The following AGBL4 variants were observed in gnomAD, a reference collection of about 807,000 sequenced individuals.
AGBL4 encodes the protein cytosolic carboxypeptidase 6.
A neutral mutation model predicts 66.4 loss-of-function variants in AGBL4; 58 were observed. That is an observed-to-expected ratio of 0.87 (90% confidence interval 0.71 to 1.09). AGBL4 has a LOEUF of 1.09. AGBL4 is among the 50% of genes least tolerant of loss of function. AGBL4 has a pLI of 0.00. For missense variants in AGBL4, 579 were observed against 631.0 expected (o/e 0.92, Z 0.88); for synonymous variants, 234 against 222.9 (o/e 1.05, Z -0.44).
At chr1:50,007,257 T>C (rs1046244612) in intron 1 of AGBL4, among the ~76,000 whole-genome samples, 2 of 152,036 alleles carry the variant, frequency 1.3e-5, no homozygotes, top group Non-Finnish European at 2.9e-5. Context: ...AATTAAAATA[T>C]ACCTCACCAC....
chr1:49,294,727 C>G (rs1422830728), intron 3 of AGBL4, among the ~76,000 whole-genome samples: 2 of 152,182 alleles, frequency 1.3e-5, no homozygotes. Context: ...GCTTTTCCTC[C>G]TCTGCCAGCC....
At chr1:49,175,306 G>A (rs1646811457) in intron 4 of AGBL4, among the ~76,000 whole-genome samples, 1 of 151,882 alleles carries the variant, frequency 6.6e-6, no homozygotes, top group African/African-American at 2.4e-5. Flanking sequence ...ACTTTCTAAT[G>A]GTATTGAAGA....
chr1:49,489,505 GTTTC>G (rs1647143655), intron 3 of AGBL4, among the ~76,000 whole-genome samples: 2 of 151,548 alleles, frequency 1.3e-5, no homozygotes, highest in African/African-American at 4.8e-5. Flanking sequence ...TTTCTTGATT[GTTTC>G]TTTTGCTGTG....
chr1:49,479,703 C>CTTTTTTTTTT (rs1351125149), intron 3 of AGBL4, among the ~76,000 whole-genome samples: 1 of 136,890 alleles, frequency 7.3e-6, no homozygotes. Context: ...TTCTTTTTTT[C>CTTTTTTTTTT]TTTTTTTTTT....
chr1:49,937,466 A>G (rs1217288350), intron 1 of AGBL4, among the ~76,000 whole-genome samples: 10 of 152,100 alleles, frequency 6.6e-5, no homozygotes, highest in Non-Finnish European at 1.0e-4. Context: ...CCAGGAATTG[A>G]ACTCAGCTCT....
chr1:49,119,647 T>C (rs970476545), intron 4 of AGBL4, among the ~76,000 whole-genome samples: 1 of 152,200 alleles, frequency 6.6e-6, no homozygotes, highest in Non-Finnish European at 1.5e-5. Context: ...ATAAGTGTTA[T>C]GTGGTGCTGA....
At chr1:49,806,821 C>T (rs1250767448) in intron 2 of AGBL4, among the ~76,000 whole-genome samples, 1 of 152,142 alleles carries the variant, frequency 6.6e-6, no homozygotes, top group East Asian at 1.9e-4. Context: ...TGGCCAGTAC[C>T]ACCCCAAAGC....
intron 6 of AGBL4, chr1:48,758,866 A>G (rs1434767842): frequency 6.8e-7 from 1 of 1,465,456 alleles, no homozygotes. Flanking sequence ...ATTTCACCCA[A>G]GTGGAGTGGT....
intron 6 of AGBL4, among the ~76,000 whole-genome samples, chr1:48,708,992 G>A (rs1646921460): frequency 6.6e-6 from 1 of 152,212 alleles, no homozygotes; most frequent in South Asian, 2.1e-4. Context: ...CAAAGACACA[G>A]GCCTGGCTGG....
At chr1:49,198,484 G>A (rs1451616295) in intron 4 of AGBL4, among the ~76,000 whole-genome samples, 4 of 152,036 alleles carry the variant, frequency 2.6e-5, no homozygotes, top group African/African-American at 9.7e-5. Flanking sequence ...GGGGTTACAG[G>A]TGCACACCAC....
chr1:49,680,310 A>G (rs1171834694), intron 3 of AGBL4, among the ~76,000 whole-genome samples: 1 of 150,420 alleles, frequency 6.6e-6, no homozygotes, highest in Non-Finnish European at 1.5e-5. Context: ...CTGCCTCCCA[A>G]GGTGCTGGGA....
chr1:48,572,615 G>T (rs1351099073), intron 11 of AGBL4, among the ~76,000 whole-genome samples: 1 of 152,022 alleles, frequency 6.6e-6, no homozygotes, highest in Non-Finnish European at 1.5e-5. Flanking sequence ...ACAAAACGGG[G>T]AATGAAAGAG....
At chr1:49,093,551 C>T (rs540525436) in intron 4 of AGBL4, among the ~76,000 whole-genome samples, 1 of 152,192 alleles carries the variant, frequency 6.6e-6, no homozygotes, top group African/African-American at 2.4e-5. Flanking sequence ...GTAAGCAGTA[C>T]TATAAATAAA....
intron 5 of AGBL4, among the ~76,000 whole-genome samples, chr1:48,934,389 G>T (rs1655282671): frequency 6.6e-6 from 1 of 152,136 alleles, no homozygotes; most frequent in Non-Finnish European, 1.5e-5. Flanking sequence ...GTCCCACTGT[G>T]ATTATTAATG....
At position 48,533,551 on chromosome 1, in the gene AGBL4, G is replaced by A. The variant is rs1643924042; in HGVS notation, c.*622C>T. 1 of 152,676 alleles carries A rather than the reference G, an allele frequency of 6.5e-6. No individual in the cohort carries two copies. The highest frequency in any genetic ancestry group is 1.5e-5 in the Non-Finnish European group (1 of 68,406). The allele number at this position is 152,676 out of a possible 1,614,324, so 9.5% of individuals were successfully genotyped here. A position where few individuals can be genotyped will look rare whatever the true frequency, so the allele number is the denominator to read the frequency against. On this transcript the variant is annotated 3_prime_UTR_variant, in exon 14 of 14. Coordinates refer to ENST00000371839, the MANE Select transcript of AGBL4 (RefSeq NM_032785.4). ...TTTTAATTAAACTACCGAGGAAATT[G>A]GGAAACAGCTCTCAAAACAGTTTTC... is the stretch of plus-strand genomic sequence containing the variant.
chr1:48,871,604 G>A (rs1412028607), intron 5 of AGBL4, among the ~76,000 whole-genome samples: 1 of 152,014 alleles, frequency 6.6e-6, no homozygotes, highest in African/African-American at 2.4e-5. Flanking sequence ...TGATAAACAT[G>A]GTGCCCCATG....
chr1:49,517,722 T>C (rs1369609574), intron 3 of AGBL4, among the ~76,000 whole-genome samples: 1 of 152,032 alleles, frequency 6.6e-6, no homozygotes, highest in Non-Finnish European at 1.5e-5. Context: ...AGTACTTCTT[T>C]ACAAAAAATT....
At chr1:48,655,254 T>G (rs1038867733) in intron 7 of AGBL4, among the ~76,000 whole-genome samples, 2 of 152,212 alleles carry the variant, frequency 1.3e-5, no homozygotes, top group Admixed American at 6.5e-5. Context: ...TGGTTTGAGG[T>G]CAGATACAAT....
chr1:49,882,313 A>C (rs1314031354), intron 1 of AGBL4, among the ~76,000 whole-genome samples: 1 of 150,568 alleles, frequency 6.6e-6, no homozygotes, highest in Non-Finnish European at 1.5e-5. Context: ...GTTTGAAGTC[A>C]GGTAGTGTGA....
Sources: gnomAD v4.1 joint callset for allele counts (sites outside exome capture counted in the v4.1 genomes callset) on GRCh38, gnomAD v4.1.1 for gene constraint, MANE v1.5 for transcripts, NCBI Gene and HGNC (gene_info 2026-07-23, HGNC 2026-07-21) for gene names.